ZNF41: variants seen among roughly 807,000 people sequenced by gnomAD.
The protein encoded by ZNF41 is zinc finger protein 41.
In ZNF41, 6 loss-of-function variants were observed where a neutral mutation model predicts 9.3. The ratio of observed to expected loss-of-function variants is 0.65; its 90% CI spans 0.35 to 1.28. ZNF41 has a LOEUF of 1.28. Ranked by LOEUF, ZNF41 falls within the 50% of genes most tolerant of loss-of-function variation. The pLI is 0.03. For missense variants in ZNF41, 523 were observed against 585.8 expected, an observed-to-expected ratio of 0.89 and a Z score of 1.11; for synonymous variants, 192 against 207.1, an observed-to-expected ratio of 0.93 and a Z score of 0.63.
chrX:47,447,308 C>G lies in ZNF41; in HGVS notation c.*122G>C. On this transcript the variant is annotated 3_prime_UTR_variant, in exon 5 of 5. Coordinates refer to ENST00000684689, the MANE Select transcript of ZNF41 (RefSeq NM_001324144.2). ...CTTGGCTCTGTTTGCCTTCAGTTCA[C>G]TCAAGCCTCAGTCTCTCATACCCAT... is the stretch of plus-strand genomic sequence containing the variant. 9.9e-7 allele frequency: 1 copy of G among 1,008,465 alleles called. No homozygotes were observed. Among genetic ancestry groups the G allele is most frequent in the Non-Finnish European group, 1.4e-6 (1 of 724,476 alleles). The allele number at this position is 1,008,465 out of a possible 1,213,427, so 83.1% of individuals were successfully genotyped here. A position where few individuals can be genotyped will look rare whatever the true frequency, so the allele number is the denominator to read the frequency against.
In ZNF41 at chrX:47,449,081, G is replaced by C; in HGVS notation, c.689C>G (p.Ser230Cys). 8.3e-7 allele frequency: 1 copy of C among 1,211,500 alleles called. No homozygotes were observed. Among genetic ancestry groups the C allele is most frequent in the Non-Finnish European group, 1.1e-6 (1 of 895,453 alleles). Residue 230 changes from serine to cysteine, a missense_variant, in exon 5 of 5, where the codon TCT becomes TGT. Transcript: ENST00000684689. ...NGNNFPHSPSSTKNENAKTGA... is the reference protein window; with the variant it reads ...NGNNFPHSPSCTKNENAKTGA... ...TGTTTTAGCATTCTCATTCTTAGTA[G>C]AGGAAGGGCTATGGGGGAAATTGTT... is the stretch of plus-strand genomic sequence containing the variant.
At chrX:47,469,879 CACAA>C (rs1282160992) in intron 1 of ZNF41, among the ~76,000 whole-genome samples, 2 of 110,505 alleles carry the variant, frequency 1.8e-5, no homozygotes, top group Admixed American at 9.7e-5. Context: ...CTCAAAAAAA[CACAA>C]ACAAACGAAC....
intron 2 of ZNF41, among the ~76,000 whole-genome samples, chrX:47,461,504 G>A (rs1177691736): frequency 2.7e-5 from 3 of 110,050 alleles, no homozygotes; most frequent in Non-Finnish European, 5.7e-5. Flanking sequence ...TCTGCCTCCC[G>A]GGTTCAAGCA....
At chrX:47,480,289 A>G (rs766321148) in intron 1 of ZNF41, among the ~76,000 whole-genome samples, 5 of 111,520 alleles carry the variant, frequency 4.5e-5, no homozygotes, top group Non-Finnish European at 7.5e-5. Flanking sequence ...TTGGGAACTT[A>G]TGTGACAAAA....
chrX:47,445,964 G>A lies in ZNF41; in HGVS notation c.*1466C>T, dbSNP rs186474529. 2.8e-4 allele frequency: 31 copies of A among 111,107 alleles called. No homozygotes were observed. The highest frequency in any genetic ancestry group is 9.8e-4 in the African/African-American group (30 of 30,623). The allele number at this position is 111,107 out of a possible 1,213,427, so 9.2% of individuals were successfully genotyped here. A position where few individuals can be genotyped will look rare whatever the true frequency, so the allele number is the denominator to read the frequency against. On this transcript the variant is annotated 3_prime_UTR_variant, in exon 5 of 5. Transcript: ENST00000684689. ...ATGAATCTATGCTGTGAGAAGCCAGGATAATGTATACCCTTGGGGGCTTGC... is the reference window on the plus strand; with the variant it reads ...ATGAATCTATGCTGTGAGAAGCCAGAATAATGTATACCCTTGGGGGCTTGC...
At position 47,448,388 on chromosome X, in the gene ZNF41, T is replaced by C. The variant is rs1304446807; in HGVS notation, c.1382A>G (p.His461Arg). 8.3e-6 allele frequency: 10 copies of C among 1,211,821 alleles called. No individual in the cohort carries two copies. The highest frequency in any genetic ancestry group is 1.1e-5 in the Non-Finnish European group (10 of 895,610). Residue 461 changes from histidine to arginine, a missense_variant, in exon 5 of 5, where the codon CAT becomes CGT. His to Arg is a conservative substitution (Grantham distance 29). Transcript: ENST00000684689. ...KSHFNTHQRI[H>R]TGEKPYECSD... ...GCATTCATACGGCTTTTCTCCAGTA[T>C]GAATTCTCTGATGTGTGTTGAAATG...
intron 1 of ZNF41, among the ~76,000 whole-genome samples, chrX:47,475,218 G>A (rs1158360813): frequency 5.6e-5 from 6 of 107,878 alleles, no homozygotes; most frequent in Non-Finnish European, 1.2e-4. Flanking sequence ...AGTTTTAGGA[G>A]TGAAAAAAGA....
At chrX:47,452,948 C>T (rs1405756873) in intron 4 of ZNF41, among the ~76,000 whole-genome samples, 5 of 111,889 alleles carry the variant, frequency 4.5e-5, no homozygotes, top group Admixed American at 9.5e-5. Context: ...GTTTCTCCCT[C>T]GGTAAGACCC....
chrX:47,454,645 C>T (rs1016062591), intron 4 of ZNF41, among the ~76,000 whole-genome samples: 4 of 111,236 alleles, frequency 3.6e-5, no homozygotes, highest in African/African-American at 1.3e-4. Flanking sequence ...CAATGATCAG[C>T]CTCCATGACT....
chrX:47,471,380 C>T (rs1175474122), intron 1 of ZNF41, among the ~76,000 whole-genome samples: 2 of 108,600 alleles, frequency 1.8e-5, no homozygotes, highest in East Asian at 2.9e-4. Flanking sequence ...ACCTGGGAGG[C>T]GGGGGTTACA....
In ZNF41 at chrX:47,456,027, G is replaced by C. The variant is rs762817547; in HGVS notation, c.200-11C>G. ...TGGGAATTTGGTACCCTGTTAACAG[G>C]ACATGATACACGATTGGGTCCAGCT... is the stretch of plus-strand genomic sequence containing the variant. On this transcript the variant is annotated splice_polypyrimidine_tract_variant and intron_variant, in intron 3 of 4. Coordinates refer to ENST00000684689, the MANE Select transcript of ZNF41 (RefSeq NM_001324144.2). 15 of 1,201,332 alleles carry C rather than the reference G, an allele frequency of 1.2e-5. No individual in the cohort carries two copies. The South Asian group carries it at 2.6e-4, about 21-fold the overall frequency.
At position 47,464,754 on chromosome X, in the gene ZNF41, G is replaced by A. The variant is rs1246228625; in HGVS notation, c.72+2656C>T. On this transcript the variant is annotated intron_variant, in intron 2 of 4. Transcript: ENST00000684689. ...TCATGGCCCTAACCTGTGGGTCCGT[G>A]ACTGACATGATTGAGCAGAGCTTAG... 2.7e-5 allele frequency among the ~76,000 whole-genome samples: 3 copies of A among 112,123 alleles called. No individual in the cohort carries two copies. The Admixed American group carries it at 2.8e-4, about 11-fold the overall frequency.
intron 1 of ZNF41, among the ~76,000 whole-genome samples, chrX:47,468,106 C>T (rs144719384): frequency 0.034 from 3,770 of 111,383 alleles, 172 homozygotes; most frequent in African/African-American, 0.12. Flanking sequence ...GTGGACTAGG[C>T]ATTACTATTA....
intron 2 of ZNF41, among the ~76,000 whole-genome samples, chrX:47,456,930 C>T (rs1281355593): frequency 9.0e-6 from 1 of 111,475 alleles, no homozygotes; most frequent in Non-Finnish European, 1.9e-5. Context: ...ATTCTGGGAA[C>T]TGCAAGTAGT....
At chrX:47,467,371 T>G (rs1417571915) in intron 2 of ZNF41, 39 bp downstream of exon 2, 1 of 1,169,809 alleles carries the variant, frequency 8.5e-7, no homozygotes, top group African/African-American at 1.8e-5. Context: ...ATCTCTTCAC[T>G]GAATGAATTC....
rs2056245334 is a variant in ZNF41, at chrX:47,448,944, A to T, written c.826T>A (p.Cys276Ser). Reference sequence around the variant, plus strand: ...GACTTCTGAGTGAAGCCCATTACACATTCAGTACACACATAAAGCTTCTCC... The same window carrying T: ...GACTTCTGAGTGAAGCCCATTACACTTTCAGTACACACATAAAGCTTCTCC... ...PEEKLYVCTE[C>S]VMGFTQKSHL... Residue 276 changes from cysteine (C) to serine (S), a missense_variant, in exon 5 of 5, where the codon TGT becomes AGT. Cys to Ser is a moderately radical substitution (Grantham distance 112). Coordinates refer to ENST00000684689, the MANE Select transcript of ZNF41 (RefSeq NM_001324144.2). The T allele has an allele frequency of 8.3e-7, 1 of 1,209,786 alleles. No individual in the cohort carries two copies. The highest frequency in any genetic ancestry group is 2.2e-5 in the Admixed American group (1 of 45,680).
At position 47,448,022 on chromosome X, in the gene ZNF41, T is replaced by C; in HGVS notation, c.1748A>G (p.Asp583Gly). ...HIGERHYECK[D>G]CGKAFIQKST... ...TTTCTGGATGAAGGCTTTCCCGCAG[T>C]CCTTGCATTCATAGTGTCTCTCTCC... The change falls in exon 5 of 5, where the codon GAC becomes GGC. Residue 583 changes from aspartate to glycine, a missense_variant. Asp to Gly is a moderately conservative substitution (Grantham distance 94). Coordinates refer to ENST00000684689, the MANE Select transcript of ZNF41 (RefSeq NM_001324144.2). The C allele has an allele frequency of 8.3e-7, 1 of 1,211,918 alleles. No homozygotes were observed. Among genetic ancestry groups the C allele is most frequent in the South Asian group, 1.8e-5 (1 of 57,015 alleles).
chrX:47,469,848 TGA>T (rs1354762043), intron 1 of ZNF41, among the ~76,000 whole-genome samples: 3 of 107,814 alleles, frequency 2.8e-5, no homozygotes, highest in Admixed American at 1.0e-4. Context: ...CCAGCCTGAG[TGA>T]GAGAGAGAGA....
At chrX:47,482,970 C>T (rs1286067263) in intron 1 of ZNF41, 125 bp downstream of exon 1, 2 of 112,573 alleles carry the variant, frequency 1.8e-5, no homozygotes, top group Admixed American at 9.3e-5. Flanking sequence ...CGCCCAGCCC[C>T]CACCCCCAGG....
Sources: gnomAD v4.1 joint callset for allele counts (sites outside exome capture counted in the v4.1 genomes callset) on GRCh38, gnomAD v4.1.1 for gene constraint, MANE v1.5 for transcripts, NCBI Gene and HGNC (gene_info 2026-07-23, HGNC 2026-07-21) for gene names.